The following SNTG2 variants were observed in gnomAD, a reference collection of about 807,000 sequenced individuals.
SNTG2 encodes syntrophin gamma 2, also known as gamma-2-syntrophin.
Under a neutral mutation model 70.9 loss-of-function variants are expected in SNTG2, and 74 were observed. That is an observed-to-expected ratio of 1.04 (90% CI 0.86 to 1.27). The LOEUF is 1.27. SNTG2 is among the 50% of genes most tolerant of loss of function. The pLI is 0.00. For synonymous variants in SNTG2, 278 were observed against 273.8 expected (o/e 1.02, Z -0.15); for missense variants, 717 against 690.7 (o/e 1.04, Z -0.43).
chr2:1,156,343 G>A lies in SNTG2; in HGVS notation c.412-9205G>A, dbSNP rs1228842034. ...GGGAGACAGAACAGGCCTCAGACAC[G>A]GCAAGTCGGCAGATCAGGAGTACAC... On this transcript the variant is annotated intron_variant, in intron 6 of 16. Transcript: ENST00000308624. Among the ~76,000 whole-genome samples, 5 of 152,218 alleles carry A rather than the reference G, an allele frequency of 3.3e-5. No homozygotes were observed. The East Asian group carries it at 9.7e-4, about 30-fold the overall frequency.
At chr2:1,114,625 C>T (rs565765195) in intron 4 of SNTG2, among the ~76,000 whole-genome samples, 5 of 151,990 alleles carry the variant, frequency 3.3e-5, no homozygotes, top group East Asian at 1.9e-4. Context: ...TTAACCCTTA[C>T]AGTCCTTTGA....
At chr2:1,222,119 C>CTGCCTATCTCTGTCTCTGTTTCTCTCTG (rs1228556001) in intron 9 of SNTG2, among the ~76,000 whole-genome samples, 3 of 107,710 alleles carry the variant, frequency 2.8e-5, no homozygotes, top group Non-Finnish European at 5.4e-5. Context: ...CTCTCTGTCT[C>CTGCCTATCTCTGTCTCTGTTTCTCTCTG]TCTCTGTCTC....
At chr2:1,165,677 C>T (rs559369606) in intron 7 of SNTG2, 42 bp downstream of exon 7, 3 of 1,496,266 alleles carry the variant, frequency 2.0e-6, no homozygotes, top group Admixed American at 1.9e-5. Context: ...TGGAGAAATT[C>T]CTTTCTTGCC....
intron 1 of SNTG2, among the ~76,000 whole-genome samples, chr2:1,031,526 A>ATTTTT (rs1660820699): frequency 9.2e-5 from 5 of 54,164 alleles, no homozygotes; most frequent in Admixed American, 2.3e-4. Flanking sequence ...ATATATATAT[A>ATTTTT]TATTTTTTTT....
At chr2:1,251,099 C>T (rs751721615) in intron 12 of SNTG2, among the ~76,000 whole-genome samples, 1 of 152,114 alleles carries the variant, frequency 6.6e-6, no homozygotes, top group Non-Finnish European at 1.5e-5. Flanking sequence ...AGCGAGGACC[C>T]GAATGAGCCT....
chr2:1,349,342 G>A (rs1439062401), intron 16 of SNTG2, among the ~76,000 whole-genome samples: 1 of 152,194 alleles, frequency 6.6e-6, no homozygotes, highest in Non-Finnish European at 1.5e-5. Context: ...CAAGTCTTAT[G>A]AGCACCAGCT....
At chr2:991,543 T>C (rs765353624) in intron 1 of SNTG2, among the ~76,000 whole-genome samples, 23 of 152,190 alleles carry the variant, frequency 1.5e-4, no homozygotes, top group African/African-American at 5.3e-4. Context: ...AATCCTGTTA[T>C]AGTTTTGACC....
chr2:1,206,933 G>GT (rs1401088869), intron 8 of SNTG2, among the ~76,000 whole-genome samples: 2 of 152,166 alleles, frequency 1.3e-5, no homozygotes, highest in African/African-American at 2.4e-5. Context: ...ATAGCACACT[G>GT]TAGCAAACCT....
chr2:1,040,423 C>T (rs1022709014), intron 1 of SNTG2, among the ~76,000 whole-genome samples: 1 of 152,170 alleles, frequency 6.6e-6, no homozygotes, highest in African/African-American at 2.4e-5. Flanking sequence ...CCAGCTTTCC[C>T]CTTCCCGCCA....
intron 1 of SNTG2, among the ~76,000 whole-genome samples, chr2:984,700 G>A (rs566334212): frequency 3.3e-5 from 5 of 152,156 alleles, no homozygotes; most frequent in Non-Finnish European, 7.4e-5. Flanking sequence ...TGAGGGCACT[G>A]CCTTAGCTCC....
intron 4 of SNTG2, among the ~76,000 whole-genome samples, chr2:1,111,071 C>T (rs1017856078): frequency 1.3e-5 from 2 of 152,312 alleles, no homozygotes; most frequent in Non-Finnish European, 2.9e-5. Context: ...AAGGGAGTCC[C>T]ATTTTCCAAT....
chr2:1,316,000 G>A (rs957116585), intron 15 of SNTG2, among the ~76,000 whole-genome samples: 1 of 152,190 alleles, frequency 6.6e-6, no homozygotes, highest in East Asian at 1.9e-4. Context: ...GAGGACCGTG[G>A]ATGCTGATGC....
Position 1,247,364 on chromosome 2 carries a change from G to A in SNTG2, c.926G>A (p.Gly309Glu). The change falls in exon 12 of 17, where the codon GGA (glycine) becomes GAA (glutamate). Residue 309 changes from glycine to glutamate, a missense_variant. By Grantham distance (98) the Gly-to-Glu change is moderately conservative (BLOSUM62 -2). Coordinates refer to ENST00000308624, the MANE Select transcript of SNTG2 (RefSeq NM_018968.4). ...GGGTGGGTAAATGAGAAACTCCAAG[G>A]AGCTGACTCCTCTCAAACCTTCAGA... ...HMGWVNEKLQ[G>E]ADSSQTFRPK... The A allele has an allele frequency of 6.2e-7, 1 of 1,613,912 alleles. No homozygotes were observed. The highest frequency in any genetic ancestry group is 8.5e-7 in the Non-Finnish European group (1 of 1,179,852).
rs147739102 is a variant in SNTG2, at chr2:1,188,343, G to C, written c.591+15160G>C. Among the ~76,000 whole-genome samples the C allele has an allele frequency of 1.6e-3, 239 of 152,072 alleles. 3 individuals carry two copies. The highest frequency in any genetic ancestry group is 8.9e-3 in the East Asian group (46 of 5,184). ...GAAATACAGAAAAAGAAGAAAATGA[G>C]AGAACCAAAGATAAGAAGGTAGAGT... On this transcript the variant is annotated intron_variant, in intron 8 of 16. Transcript: ENST00000308624.
chr2:1,103,384 T>A, intron 4 of SNTG2: 1 of 292,500 alleles, frequency 3.4e-6, no homozygotes, highest in Non-Finnish European at 6.8e-6. Context: ...AATTTCTTTT[T>A]TTTTTTATTT....
intron 9 of SNTG2, among the ~76,000 whole-genome samples, chr2:1,216,134 T>A (rs1461389136): frequency 6.6e-6 from 1 of 152,174 alleles, no homozygotes; most frequent in Admixed American, 6.5e-5. Flanking sequence ...CACCACACTG[T>A]CTTCCACAAT....
intron 9 of SNTG2, among the ~76,000 whole-genome samples, chr2:1,231,868 T>C (rs1676274879): frequency 6.6e-6 from 1 of 152,148 alleles, no homozygotes; most frequent in African/African-American, 2.4e-5. Context: ...CTGTTAGTGC[T>C]GGCCGTGGTG....
chr2:1,229,829 G>A (rs1299598391), intron 9 of SNTG2, among the ~76,000 whole-genome samples: 1 of 152,246 alleles, frequency 6.6e-6, no homozygotes, highest in African/African-American at 2.4e-5. Flanking sequence ...ACCCTCCGCA[G>A]CCGCTGGCCC....
At chr2:1,147,682 A>G (rs1453845911) in intron 6 of SNTG2, among the ~76,000 whole-genome samples, 3 of 152,206 alleles carry the variant, frequency 2.0e-5, no homozygotes. Context: ...TATGGGGGGT[A>G]AGAGTCACCA....
Sources: gnomAD v4.1 joint callset for allele counts (sites outside exome capture counted in the v4.1 genomes callset) on GRCh38, gnomAD v4.1.1 for gene constraint, MANE v1.5 for transcripts, NCBI Gene and HGNC (gene_info 2026-07-23, HGNC 2026-07-21) for gene names.